AFG1L: variants seen among roughly 807,000 people sequenced by gnomAD.
The protein encoded by AFG1L is AFG1-like ATPase.
In AFG1L, 53 loss-of-function variants were observed where a neutral mutation model predicts 62.2. The ratio of observed to expected loss-of-function variants is 0.85; its 90% CI spans 0.68 to 1.07. The LOEUF (loss-of-function observed/expected upper bound fraction) is 1.07. Among genes scored for constraint, AFG1L ranks in the 50% least tolerant of loss-of-function variants. The pLI is 0.00. For synonymous variants in AFG1L, 228 were observed against 210.3 expected, an observed-to-expected ratio of 1.08 and a Z score of -0.73; for missense variants, 555 against 590.5, an observed-to-expected ratio of 0.94 and a Z score of 0.62.
chr6:108,296,948 T>A (rs551575736), intron 1 of AFG1L, among the ~76,000 whole-genome samples: 12 of 152,302 alleles, frequency 7.9e-5, no homozygotes, highest in African/African-American at 2.9e-4. Flanking sequence ...AGAACTGGAT[T>A]CAAGTGAAGG....
intron 2 of AFG1L, among the ~76,000 whole-genome samples, chr6:108,335,744 G>T (rs1322938383): frequency 6.6e-6 from 1 of 152,202 alleles, no homozygotes; most frequent in Admixed American, 6.5e-5. Flanking sequence ...TATCAGGTAG[G>T]AGCAAAGTGA....
intron 7 of AFG1L, among the ~76,000 whole-genome samples, chr6:108,432,786 C>T (rs1175418363): frequency 6.6e-6 from 1 of 152,216 alleles, no homozygotes; most frequent in East Asian, 1.9e-4. Context: ...AATCAGCCAA[C>T]CAAATCCTCC....
At chr6:108,496,083 A>G (rs1430054103) in intron 10 of AFG1L, among the ~76,000 whole-genome samples, 2 of 152,242 alleles carry the variant, frequency 1.3e-5, no homozygotes, top group African/African-American at 4.8e-5. Context: ...GGCACAATGC[A>G]TGAATTCACA....
intron 7 of AFG1L, among the ~76,000 whole-genome samples, chr6:108,405,027 G>T (rs1781789952): frequency 6.6e-6 from 1 of 152,162 alleles, no homozygotes; most frequent in African/African-American, 2.4e-5. Context: ...ACCACACCTG[G>T]CCAGATTTAC....
intron 6 of AFG1L, among the ~76,000 whole-genome samples, chr6:108,390,905 C>A (rs1463041287): frequency 6.6e-6 from 1 of 152,170 alleles, no homozygotes; most frequent in African/African-American, 2.4e-5. Context: ...GTTGGAAATG[C>A]AGAAATCACC....
intron 1 of AFG1L, among the ~76,000 whole-genome samples, chr6:108,299,725 G>A (rs1776906873): frequency 6.6e-6 from 1 of 152,140 alleles, no homozygotes; most frequent in Admixed American, 6.6e-5. Flanking sequence ...ATTGCTTGCG[G>A]CCAGGAGTTT....
At chr6:108,373,649 A>G (rs545908653) in intron 6 of AFG1L, among the ~76,000 whole-genome samples, 2 of 150,382 alleles carry the variant, frequency 1.3e-5, no homozygotes, top group South Asian at 2.1e-4. Flanking sequence ...ATGCAGTGAC[A>G]TGATCTCGGC....
chr6:108,491,786 A>C (rs1365870571), intron 10 of AFG1L, among the ~76,000 whole-genome samples: 1 of 152,146 alleles, frequency 6.6e-6, no homozygotes, highest in African/African-American at 2.4e-5. Context: ...ACTTTTTAAT[A>C]TCTTTTGAAT....
intron 10 of AFG1L, among the ~76,000 whole-genome samples, chr6:108,485,192 T>C (rs908318070): frequency 3.4e-4 from 52 of 152,204 alleles, no homozygotes; most frequent in African/African-American, 1.1e-3. Context: ...TCTTAGATGA[T>C]GCCACTCAGG....
intron 6 of AFG1L, among the ~76,000 whole-genome samples, chr6:108,371,504 C>T (rs947495027): frequency 1.3e-5 from 2 of 152,042 alleles, no homozygotes; most frequent in African/African-American, 4.8e-5. Context: ...TCTGCCTTAG[C>T]CTTGTGAGTA....
At chr6:108,368,820 G>A (rs1212555078) in intron 6 of AFG1L, among the ~76,000 whole-genome samples, 1 of 152,192 alleles carries the variant, frequency 6.6e-6, no homozygotes, top group Non-Finnish European at 1.5e-5. Flanking sequence ...CAGCCACCAG[G>A]AGGGATTAAG....
chr6:108,412,830 A>G (rs939332990), intron 7 of AFG1L, among the ~76,000 whole-genome samples: 5 of 152,222 alleles, frequency 3.3e-5, no homozygotes, highest in South Asian at 2.1e-4. Flanking sequence ...TGTAAAGACC[A>G]TCAAGGCTAG....
intron 2 of AFG1L, among the ~76,000 whole-genome samples, chr6:108,346,068 CTG>C: frequency 6.6e-6 from 1 of 152,312 alleles, no homozygotes; most frequent in Non-Finnish European, 1.5e-5. Flanking sequence ...AGTTGTGTGA[CTG>C]TGAACCCCTC....
intron 7 of AFG1L, among the ~76,000 whole-genome samples, chr6:108,437,046 G>A (rs532383551): frequency 2.3e-4 from 35 of 152,230 alleles, no homozygotes; most frequent in Admixed American, 5.9e-4. Context: ...GGAAGGAAGG[G>A]ACAAACAAGC....
intron 2 of AFG1L, among the ~76,000 whole-genome samples, chr6:108,324,545 G>A (rs1204388630): frequency 6.6e-6 from 1 of 152,084 alleles, no homozygotes; most frequent in Non-Finnish European, 1.5e-5. Context: ...TTATTGGTGG[G>A]TTCTTCAAGA....
chr6:108,440,429 A>C (rs1771490625), intron 7 of AFG1L, among the ~76,000 whole-genome samples: 1 of 152,130 alleles, frequency 6.6e-6, no homozygotes, highest in Non-Finnish European at 1.5e-5. Flanking sequence ...TCAGCCTCCC[A>C]AAGTGCTGGG....
chr6:108,333,561 A>G (rs1454888064), intron 2 of AFG1L, among the ~76,000 whole-genome samples: 1 of 152,202 alleles, frequency 6.6e-6, no homozygotes, highest in Non-Finnish European at 1.5e-5. Context: ...CCTGAGCAAC[A>G]TAGCAAGACC....
At position 108,296,777 on chromosome 6, in the gene AFG1L, T is replaced by G. The variant is rs1023214846; in HGVS notation, c.139+1559T>G. Among the ~76,000 whole-genome samples the G allele has an allele frequency of 2.0e-5, 3 of 152,348 alleles. No individual in the cohort carries two copies. The East Asian group carries it at 5.8e-4, about 29-fold the overall frequency. ...ACCATGATTTATGAACATTAAAGAT[T>G]TAAGGAGCATCATTATAACATATAA... On this transcript the variant is annotated intron_variant, in intron 1 of 12. Coordinates refer to ENST00000368977, the MANE Select transcript of AFG1L (RefSeq NM_145315.5).
At chr6:108,306,229 A>G (rs1445660221) in intron 1 of AFG1L, among the ~76,000 whole-genome samples, 1 of 152,202 alleles carries the variant, frequency 6.6e-6, no homozygotes, top group East Asian at 1.9e-4. Context: ...ACAGAAGCAT[A>G]GAGTATTAGT....
Sources: gnomAD v4.1 joint callset for allele counts (sites outside exome capture counted in the v4.1 genomes callset) on GRCh38, gnomAD v4.1.1 for gene constraint, MANE v1.5 for transcripts, NCBI Gene and HGNC (gene_info 2026-07-23, HGNC 2026-07-21) for gene names.